The following WNT10B variants were observed in gnomAD, a reference collection of about 807,000 sequenced individuals.
WNT10B encodes the protein Wnt family member 10B.
WNT10B carries 26 observed loss-of-function variants against 32.7 expected under a neutral mutation model. The ratio of observed to expected loss-of-function variants is 0.79; its 90% CI spans 0.58 to 1.10. The LOEUF is 1.10. Ranked by LOEUF, WNT10B falls within the 50% of genes least tolerant of loss-of-function variation. The pLI is 0.00. For missense variants in WNT10B, 474 were observed against 532.5 expected, an observed-to-expected ratio of 0.89 and a Z score of 1.08; for synonymous variants, 204 against 220.4, an observed-to-expected ratio of 0.93 and a Z score of 0.66.
In WNT10B at chr12:48,970,472, G is replaced by A; in HGVS notation, c.58C>T (p.Leu20=). Residue 20 remains leucine (L), a synonymous_variant, in exon 2 of 5, where the codon CTG becomes TTG. Coordinates refer to ENST00000301061, the MANE Select transcript of WNT10B (RefSeq NM_003394.4). This position sits in a 1 kb window ranked among gnomAD's most constrained non-coding sequence, Gnocchi z 5.0. ...ACTGCTCACCGACTGCACAACGCCA[G>A]GAACAGGAGACCCGCGAGGCCCGAG... The part of the protein sequence containing the change: ...PPSGLAGLLF[L]ALCSRALSNE... The A allele has an allele frequency of 6.2e-7, 1 of 1,612,832 alleles. No homozygotes were observed. The highest frequency in any genetic ancestry group is 8.5e-7 in the Non-Finnish European group (1 of 1,179,614).
At chr12:48,966,784 C>G (rs756411790) in intron 4 of WNT10B, among the ~76,000 whole-genome samples, 1 of 152,182 alleles carries the variant, frequency 6.6e-6, no homozygotes, top group Non-Finnish European at 1.5e-5. Context: ...CCATCAACAG[C>G]TAGTAATAGA....
In WNT10B at chr12:48,970,470, CA is replaced by C. The variant is rs1940833457; in HGVS notation, c.59del (p.Leu20ArgfsTer8). ...PPSGLAGLLF[L>X]ALCSRALSNE... Reference sequence around the variant, plus strand: ...GAACTGCTCACCGACTGCACAACGCCAGGAACAGGAGACCCGCGAGGCCCGA... The same window carrying C: ...GAACTGCTCACCGACTGCACAACGCCGGAACAGGAGACCCGCGAGGCCCGA... On this transcript the variant is annotated frameshift_variant, in exon 2 of 5. Transcript: ENST00000301061. LOFTEE classifies it high-confidence loss of function. This position sits in a 1 kb window ranked among gnomAD's most constrained non-coding sequence, Gnocchi z 5.0. The C allele has an allele frequency of 6.2e-7, 1 of 1,612,760 alleles. No individual in the cohort carries two copies. Among genetic ancestry groups the C allele is most frequent in the Non-Finnish European group, 8.5e-7 (1 of 1,179,646 alleles).
rs201861629 is a variant in WNT10B at position 48,966,405 on chromosome 12, G to T, written c.860C>A (p.Thr287Asn). 1.9e-6 allele frequency: 3 copies of T among 1,614,094 alleles called. No individual in the cohort carries two copies. Among genetic ancestry groups the T allele is most frequent in the Non-Finnish European group, 2.5e-6 (3 of 1,180,042 alleles). ...ERLGRAIFID[T>N]HNRNSGAFQP... is the part of the protein sequence containing the mutation. ...GAAGGCTCCAGAATTGCGGTTGTGG[G>T]TATCAATGAAGATGGCCCGGCCCAG... The change falls in exon 5 of 5, where the codon ACC becomes AAC. Residue 287 changes from threonine (T) to asparagine (N), a missense_variant. By Grantham distance (65) the Thr-to-Asn change is moderately conservative. Transcript: ENST00000301061.
Position 48,968,241 on chromosome 12 carries a change from C to G in WNT10B, c.416G>C (p.Gly139Ala). ...MHAVATACSL[G>A]KLVSCGCGWK... ...GCCACAGCCACAGCTCACCAGCTTGCCCAGGCTGCAGGCCGTGGCTACTGC... is the reference window on the plus strand; with the variant it reads ...GCCACAGCCACAGCTCACCAGCTTGGCCAGGCTGCAGGCCGTGGCTACTGC... The change falls in exon 4 of 5, where the codon GGC becomes GCC. Residue 139 changes from glycine to alanine, a missense_variant. Physicochemically the swap from Gly to Ala is moderately conservative, Grantham distance 60. Coordinates refer to ENST00000301061, the MANE Select transcript of WNT10B (RefSeq NM_003394.4). 6.2e-7 allele frequency: 1 copy of G among 1,611,408 alleles called. No homozygotes were observed. The highest frequency in any genetic ancestry group is 8.5e-7 in the Non-Finnish European group (1 of 1,180,038).
Position 48,965,985 on chromosome 12 carries a change from T to G in WNT10B, c.*110A>C. The G allele has an allele frequency of 7.3e-7, 1 of 1,372,142 alleles. No individual in the cohort carries two copies. The highest frequency in any genetic ancestry group is 1.0e-6 in the Non-Finnish European group (1 of 994,728). 85.0% of individuals were successfully genotyped at this position (1,372,142 alleles called of 1,614,324 possible). ...CCTAAAGCTGTTTCCAGGTAGATAC[T>G]TTAAGCTTCCAGGGACCAAGAGTGA... On this transcript the variant is annotated 3_prime_UTR_variant, in exon 5 of 5. Coordinates refer to ENST00000301061, the MANE Select transcript of WNT10B (RefSeq NM_003394.4).
At position 48,966,272 on chromosome 12, in the gene WNT10B, G is replaced by A. The variant is rs1198129162; in HGVS notation, c.993C>T (p.Gly331=). The change falls in exon 5 of 5, where the codon GGC becomes GGT. Residue 331 remains glycine (G), a synonymous_variant. Coordinates refer to ENST00000301061, the MANE Select transcript of WNT10B (RefSeq NM_003394.4). ...GGCGGCTGGTCTTGTTGCAGGCCCG[G>A]CCCCTTGTCCCTGGGGAGCCCATAG... ...DPTMGSPGTR[G]RACNKTSRLL... The A allele has an allele frequency of 6.2e-7, 1 of 1,614,218 alleles. No homozygotes were observed. The highest frequency in any genetic ancestry group is 8.5e-7 in the Non-Finnish European group (1 of 1,180,036).
intron 4 of WNT10B, among the ~76,000 whole-genome samples, chr12:48,967,149 C>T (rs1592250372): frequency 7.0e-6 from 1 of 142,030 alleles, no homozygotes; most frequent in Non-Finnish European, 1.5e-5. Flanking sequence ...GGCCACCACG[C>T]CTGGCTAATT....
rs767121886 is a variant in WNT10B at position 48,970,457 on chromosome 12, G to A, written c.73C>T (p.Arg25Trp). 3.7e-6 allele frequency: 6 copies of A among 1,613,246 alleles called. No homozygotes were observed. The highest frequency in any genetic ancestry group is 1.7e-5 in the Admixed American group (1 of 59,924). Residue 25 changes from arginine to tryptophan, a missense_variant and splice_region_variant, in exon 2 of 5, where the codon CGG (arginine) becomes TGG (tryptophan). Coordinates refer to ENST00000301061, the MANE Select transcript of WNT10B (RefSeq NM_003394.4). This position sits in a 1 kb window ranked among gnomAD's most constrained non-coding sequence, Gnocchi z 5.0. ...AGLLFLALCS[R>W]ALSNEILGLK... is the part of the protein sequence containing the mutation. ...TGGGAGACAAGGGGAACTGCTCACC[G>A]ACTGCACAACGCCAGGAACAGGAGA...
intron 4 of WNT10B, 137 bp from the exon 5 acceptor site, chr12:48,966,690 A>G (rs1312856810): frequency 3.0e-6 from 3 of 1,008,966 alleles, no homozygotes; most frequent in Non-Finnish European, 4.5e-6. Context: ...TCAGAACAGA[A>G]AGGACATTGC....
intron 3 of WNT10B, 68 bp from the exon 4 acceptor site, chr12:48,968,387 G>T: frequency 6.3e-7 from 1 of 1,592,140 alleles, no homozygotes; most frequent in Non-Finnish European, 8.5e-7. Flanking sequence ...GAGGCAGAAA[G>T]AAATAAACAG....
In WNT10B at chr12:48,970,050, A is replaced by G; in HGVS notation, c.337+39T>C. On this transcript the variant is annotated intron_variant, in intron 3 of 4. Coordinates refer to ENST00000301061, the MANE Select transcript of WNT10B (RefSeq NM_003394.4). The surrounding 1 kb of genome is among the most constrained non-coding windows in gnomAD (Gnocchi z 5.0). Reference sequence around the variant, plus strand: ...CGCCTCGCCCTGCCGCCCACCCCCTAGCCTCCGCGGCAGCGCCGACCCGCC... The same window carrying G: ...CGCCTCGCCCTGCCGCCCACCCCCTGGCCTCCGCGGCAGCGCCGACCCGCC... 6.9e-7 allele frequency: 1 copy of G among 1,459,664 alleles called. No homozygotes were observed. Among genetic ancestry groups the G allele is most frequent in the Middle Eastern group, 2.5e-4 (1 of 4,050 alleles). The allele number at this position is 1,459,664 out of a possible 1,614,324, so 90.4% of individuals were successfully genotyped here.
Position 48,970,109 on chromosome 12 carries a change from T to G in WNT10B, c.317A>C (p.His106Pro), listed in dbSNP as rs1444676931. The part of the protein sequence containing the change: ...ALEGGGRLPH[H>P]SAILKRGFRE... ...CTCACCGCGCTTGAGGATGGCGCTGTGGTGCGGCAGGCGGCCGCCGCCCTC... is the reference window on the plus strand; with the variant it reads ...CTCACCGCGCTTGAGGATGGCGCTGGGGTGCGGCAGGCGGCCGCCGCCCTC... The change falls in exon 3 of 5, where the codon CAC (histidine) becomes CCC (proline). Residue 106 changes from histidine to proline, a missense_variant. Coordinates refer to ENST00000301061, the MANE Select transcript of WNT10B (RefSeq NM_003394.4). This position sits in a 1 kb window ranked among gnomAD's most constrained non-coding sequence, Gnocchi z 5.0. 1 of 1,530,060 alleles carries G rather than the reference T, an allele frequency of 6.5e-7. No individual in the cohort carries two copies. Among genetic ancestry groups the G allele is most frequent in the Non-Finnish European group, 8.8e-7 (1 of 1,141,796 alleles). The allele number at this position is 1,530,060 out of a possible 1,614,324, so 94.8% of individuals were successfully genotyped here.
chr12:48,969,952 G>T, intron 3 of WNT10B, 137 bp downstream of exon 3: 1 of 1,131,940 alleles, frequency 8.8e-7, no homozygotes, highest in Non-Finnish European at 1.2e-6. Context: ...GCTCAGAGCG[G>T]CTCCGGGGGG....
At position 48,970,121 on chromosome 12, in the gene WNT10B, C is replaced by G. The variant is rs200464661; in HGVS notation, c.305G>C (p.Arg102Pro). The G allele has an allele frequency of 6.6e-7, 1 of 1,524,080 alleles. No individual in the cohort carries two copies. 94.4% of individuals were successfully genotyped at this position (1,524,080 alleles called of 1,614,324 possible). Residue 102 changes from arginine (R) to proline (P), a missense_variant, in exon 3 of 5, where the codon CGC (arginine) becomes CCC (proline). By Grantham distance (103) the Arg-to-Pro change is moderately radical. Transcript: ENST00000301061. The surrounding 1 kb of genome is among the most constrained non-coding windows in gnomAD (Gnocchi z 5.0). ...GAGGATGGCGCTGTGGTGCGGCAGG[C>G]GGCCGCCGCCCTCAAGCGCGGAGCA... is the stretch of plus-strand genomic sequence containing the variant. ...WNCSALEGGG[R>P]LPHHSAILKR... is the part of the protein sequence containing the mutation.
rs1940778371 is a variant in WNT10B at position 48,968,170 on chromosome 12, G to T, written c.487C>A (p.Gln163Lys). ...TTGCCTCGGGACAGTGCCTGCAGCTGCAGCAGTTTGGCCCTCAGCCGATCC... is the reference window on the plus strand; with the variant it reads ...TTGCCTCGGGACAGTGCCTGCAGCTTCAGCAGTTTGGCCCTCAGCCGATCC... ...EQDRLRAKLL[Q>K]LQALSRGKSF... Residue 163 changes from glutamine (Q) to lysine (K), a missense_variant, in exon 4 of 5, where the codon CAG becomes AAG. Gln to Lys is a moderately conservative substitution (Grantham distance 53). Transcript: ENST00000301061. 6.2e-7 allele frequency: 1 copy of T among 1,614,034 alleles called. No homozygotes were observed. The highest frequency in any genetic ancestry group is 1.1e-5 in the South Asian group (1 of 91,092).
intron 4 of WNT10B, among the ~76,000 whole-genome samples, chr12:48,967,188 G>A (rs1332447221): frequency 2.8e-5 from 4 of 144,728 alleles, no homozygotes; most frequent in East Asian, 2.0e-4. Flanking sequence ...TTTTTTGAGA[G>A]GGAGTCTTGC....
Position 48,969,161 on chromosome 12 carries a change from G to A in WNT10B, c.338-842C>T, listed in dbSNP as rs1485489047. ...CACCAGGCCCTGTGGGGAAGGAGGGGGACCCTCACTTCATTTTAGGCAGGG... is the reference window on the plus strand; with the variant it reads ...CACCAGGCCCTGTGGGGAAGGAGGGAGACCCTCACTTCATTTTAGGCAGGG... On this transcript the variant is annotated intron_variant, in intron 3 of 4. Transcript: ENST00000301061. The A allele has an allele frequency of 6.4e-6, 3 of 470,042 alleles. No homozygotes were observed. The Admixed American group carries it at 7.1e-5, about 11-fold the overall frequency. The allele number at this position is 470,042 out of a possible 1,614,324, so 29.1% of individuals were successfully genotyped here.
intron 4 of WNT10B, among the ~76,000 whole-genome samples, chr12:48,967,030 G>A (rs943548608): frequency 3.3e-5 from 5 of 152,116 alleles, no homozygotes; most frequent in African/African-American, 1.2e-4. Flanking sequence ...TGCTCTTGTC[G>A]CCCAGGCTGG....
chr12:48,970,415 T>C lies in WNT10B; in HGVS notation c.74+41A>G, dbSNP rs977022015. On this transcript the variant is annotated intron_variant, in intron 2 of 4. Transcript: ENST00000301061. The surrounding 1 kb of genome is among the most constrained non-coding windows in gnomAD (Gnocchi z 5.0). ...CCCCTCCAACTCTCCCCACCCCGGG[T>C]CGGTGTTTCTATGGCCTGGGAGACA... 1.9e-6 allele frequency: 3 copies of C among 1,613,512 alleles called. No individual in the cohort carries two copies. Among genetic ancestry groups the C allele is most frequent in the African/African-American group, 2.7e-5 (2 of 74,852 alleles).
Sources: gnomAD v4.1 joint callset for allele counts (sites outside exome capture counted in the v4.1 genomes callset) on GRCh38, gnomAD v4.1.1 for gene constraint, Gnocchi (gnomAD v3.1) non-coding constraint, MANE v1.5 for transcripts, NCBI Gene and HGNC (gene_info 2026-07-23, HGNC 2026-07-21) for gene names.